NAV3: variants seen among roughly 807,000 people sequenced by gnomAD.
The protein encoded by NAV3 is pore membrane and/or filament interacting like protein 1.
NAV3 carries 87 observed loss-of-function variants against 244.7 expected under a neutral mutation model. The ratio of observed to expected loss-of-function variants is 0.36; its 90% confidence interval spans 0.30 to 0.42. NAV3 has a LOEUF of 0.42. Ranked by LOEUF, NAV3 falls within the 20% of genes least tolerant of loss-of-function variation. The probability of loss-of-function intolerance (pLI) is 1.00; values close to 1 mark genes in which losing one functional copy is unlikely to be tolerated. For missense variants in NAV3, 2,663 were observed against 2,893.3 expected (o/e 0.92, Z 1.83); for synonymous variants, 1,126 against 1,042.2 (o/e 1.08, Z -1.55).
chr12:77,704,507 C>T (rs1875703149), intron 2 of NAV3, among the ~76,000 whole-genome samples: 1 of 152,276 alleles, frequency 6.6e-6, no homozygotes, highest in South Asian at 2.1e-4. Context: ...AATCTTATGA[C>T]AATCCAGCAA....
At chr12:78,034,909 C>T (rs1341657342) in intron 9 of NAV3, among the ~76,000 whole-genome samples, 1 of 152,162 alleles carries the variant, frequency 6.6e-6, no homozygotes, top group African/African-American at 2.4e-5. Context: ...TTATTTAGCA[C>T]ATTTTATATA....
At chr12:78,022,448 T>C (rs1019929338) in intron 9 of NAV3, among the ~76,000 whole-genome samples, 2 of 152,064 alleles carry the variant, frequency 1.3e-5, no homozygotes, top group Admixed American at 1.3e-4. Context: ...TTTAATTTCA[T>C]TACATATAGA....
In NAV3 at chr12:78,128,494, TTC is replaced by T. The variant is rs550701999; in HGVS notation, c.4281-209_4281-208del. On this transcript the variant is annotated intron_variant, in intron 17 of 39. Transcript: ENST00000397909. The stretch of plus-strand genomic sequence containing the variant: ...CTGCATATCTGATAGAAGCATAATT[TTC>T]TCCTCAAAACCCTTTATCTTATTTT... Among the ~76,000 whole-genome samples, 14 of 152,282 alleles carry T rather than the reference TTC, an allele frequency of 9.2e-5. 1 individual carries two copies. In the East Asian group the frequency reaches 2.7e-3, roughly 29 times the overall value.
chr12:77,708,695 T>C (rs2137239302), intron 2 of NAV3, among the ~76,000 whole-genome samples: 1 of 152,354 alleles, frequency 6.6e-6, no homozygotes, highest in Admixed American at 6.5e-5. Context: ...TCCATGAGCA[T>C]GGAATGTTCT....
intron 18 of NAV3, among the ~76,000 whole-genome samples, chr12:78,136,031 GT>G (rs1956358130): frequency 6.6e-6 from 1 of 152,220 alleles, no homozygotes; most frequent in African/African-American, 2.4e-5. Context: ...CCTTCCAAAT[GT>G]GAGATACTTC....
chr12:78,113,508 C>T (rs1377652465), intron 12 of NAV3, among the ~76,000 whole-genome samples: 2 of 152,218 alleles, frequency 1.3e-5, no homozygotes, highest in East Asian at 3.9e-4. Context: ...CCCATGGAAG[C>T]TGGCAAAGCT....
intron 2 of NAV3, among the ~76,000 whole-genome samples, chr12:77,730,861 A>G (rs1349688599): frequency 1.3e-5 from 2 of 151,766 alleles, no homozygotes; most frequent in African/African-American, 2.4e-5. Context: ...AGCTTTCACA[A>G]GTAAAGGGCA....
intron 2 of NAV3, among the ~76,000 whole-genome samples, chr12:77,580,161 C>T (rs971025415): frequency 6.6e-5 from 10 of 151,584 alleles, no homozygotes; most frequent in African/African-American, 2.4e-4. Flanking sequence ...GATTTAAGCA[C>T]TTTTAATACC....
intron 2 of NAV3, among the ~76,000 whole-genome samples, chr12:77,701,912 A>C (rs1875580053): frequency 6.6e-6 from 1 of 151,922 alleles, no homozygotes; most frequent in Admixed American, 6.6e-5. Flanking sequence ...ACCTTAATGA[A>C]TGCACCATGT....
At chr12:77,681,025 T>C (rs2137115024) in intron 2 of NAV3, among the ~76,000 whole-genome samples, 1 of 152,312 alleles carries the variant, frequency 6.6e-6, no homozygotes, top group Non-Finnish European at 1.5e-5. Context: ...CCCTGGGATC[T>C]TATCTTTAAC....
chr12:77,818,675 G>A (rs1872614481), intron 2 of NAV3, among the ~76,000 whole-genome samples: 1 of 152,018 alleles, frequency 6.6e-6, no homozygotes, highest in South Asian at 2.1e-4. Flanking sequence ...GTTAGTATCT[G>A]ATGGTCTCCA....
chr12:77,876,611 T>C (rs1407340009), intron 1 of NAV3, among the ~76,000 whole-genome samples: 1 of 152,086 alleles, frequency 6.6e-6, no homozygotes, highest in Non-Finnish European at 1.5e-5. Context: ...TTGCAATTAG[T>C]GGAATCTATA....
chr12:77,983,818 G>A (rs1299528350), intron 5 of NAV3, among the ~76,000 whole-genome samples: 1 of 152,112 alleles, frequency 6.6e-6, no homozygotes, highest in Non-Finnish European at 1.5e-5. Context: ...AGTGTAAATT[G>A]TTTTTCTATT....
At chr12:78,007,669 G>T (rs1358713911) in intron 8 of NAV3, among the ~76,000 whole-genome samples, 1 of 152,084 alleles carries the variant, frequency 6.6e-6, no homozygotes, top group Non-Finnish European at 1.5e-5. Flanking sequence ...CAGCAATTGA[G>T]ACCTTCAAAA....
intron 9 of NAV3, among the ~76,000 whole-genome samples, chr12:78,031,789 G>T (rs1879032752): frequency 6.6e-6 from 1 of 150,738 alleles, no homozygotes; most frequent in Non-Finnish European, 1.5e-5. Flanking sequence ...AATGCTAGAT[G>T]ACGAGTTAGT....
In NAV3 at chr12:78,127,179, C is replaced by T. The variant is rs2138809308; in HGVS notation, c.4251C>T (p.Asp1417=). The T allele has an allele frequency of 6.2e-7, 1 of 1,613,682 alleles. No homozygotes were observed. The highest frequency in any genetic ancestry group is 8.5e-7 in the Non-Finnish European group (1 of 1,179,736). Residue 1417 remains aspartate (D), a synonymous_variant, in exon 17 of 40, where the codon GAC becomes GAT. Transcript: ENST00000397909. ...TTTGTTTTAACAGCATGCAGCTTGA[C>T]AGAAATACACTACCCAAAAAGGGAC... is the stretch of plus-strand genomic sequence containing the variant. ...RSTLSESMQL[D]RNTLPKKGLR...
At chr12:78,183,197 G>T (rs1400784029) in intron 30 of NAV3, among the ~76,000 whole-genome samples, 1 of 151,766 alleles carries the variant, frequency 6.6e-6, no homozygotes, top group African/African-American at 2.4e-5. Flanking sequence ...CAAAAATACA[G>T]AAGGCTCTCA....
chr12:77,978,506 T>C (rs1868919446), intron 5 of NAV3, among the ~76,000 whole-genome samples: 1 of 152,078 alleles, frequency 6.6e-6, no homozygotes, highest in African/African-American at 2.4e-5. Flanking sequence ...TTTTATACTA[T>C]ATGAAATTAT....
chr12:77,722,393 G>T (rs75744366), intron 2 of NAV3, among the ~76,000 whole-genome samples: 4,612 of 152,044 alleles, frequency 0.03, 94 homozygotes, highest in Middle Eastern at 0.065. Flanking sequence ...AAAGCAACAG[G>T]TACTATAAAA....
Sources: gnomAD v4.1 joint callset for allele counts (sites outside exome capture counted in the v4.1 genomes callset) on GRCh38, gnomAD v4.1.1 for gene constraint, MANE v1.5 for transcripts, NCBI Gene and HGNC (gene_info 2026-07-23, HGNC 2026-07-21) for gene names.